Variants in INTS9 observed in about 807,000 individuals in gnomAD.
The protein encoded by INTS9 is protein related to CPSF subunits of 74 kDa.
A neutral mutation model predicts 79.7 loss-of-function variants in INTS9; 55 were observed. The ratio of observed to expected loss-of-function variants is 0.69; its 90% CI spans 0.56 to 0.86. The LOEUF (loss-of-function observed/expected upper bound fraction) is 0.86, where lower values mean the gene tolerates loss of function less well. Ranked by LOEUF, INTS9 falls within the 40% of genes least tolerant of loss-of-function variation. The pLI, the probability that INTS9 is intolerant of heterozygous loss-of-function variation, is 0.00. For synonymous variants in INTS9, 319 were observed against 325.2 expected (o/e 0.98, Z 0.20); for missense variants, 721 against 831.5 (o/e 0.87, Z 1.64).
intron 1 of INTS9, among the ~76,000 whole-genome samples, chr8:28,877,401 G>GA (rs1221353426): frequency 2.0e-5 from 3 of 152,146 alleles, no homozygotes; most frequent in Admixed American, 2.0e-4. Context: ...TTTTCAGTGA[G>GA]AAAAAAACAA....
At chr8:28,803,342 A>G (rs1464217616) in intron 8 of INTS9, among the ~76,000 whole-genome samples, 1 of 152,240 alleles carries the variant, frequency 6.6e-6, no homozygotes, top group Non-Finnish European at 1.5e-5. Flanking sequence ...TCACAAGCAA[A>G]TCCATTCATT....
rs933331672 is a variant in INTS9, at chr8:28,767,948, TGAAAGG to T, written c.*192_*197del. ...GTTGAGAAGAAAATGAGCCTGAAGT[TGAAAGG>T]GAAAGTTCTTGCCTGAAACAGTGCT... is the stretch of plus-strand genomic sequence containing the variant. On this transcript the variant is annotated 3_prime_UTR_variant, in exon 17 of 17. Coordinates refer to ENST00000521022, the MANE Select transcript of INTS9 (RefSeq NM_018250.4). 1.2e-5 allele frequency: 7 copies of T among 596,752 alleles called. No individual in the cohort carries two copies. The highest frequency in any genetic ancestry group is 2.0e-5 in the South Asian group (1 of 50,928). 37.0% of individuals were successfully genotyped at this position (596,752 alleles called of 1,614,324 possible).
At chr8:28,851,401 T>C (rs1043078058) in intron 2 of INTS9, among the ~76,000 whole-genome samples, 1 of 151,876 alleles carries the variant, frequency 6.6e-6, no homozygotes, top group Admixed American at 6.6e-5. Flanking sequence ...AAAGTGAGAA[T>C]TGGGGGTGGG....
chr8:28,825,409 G>T (rs1806089542), intron 6 of INTS9, among the ~76,000 whole-genome samples: 1 of 152,146 alleles, frequency 6.6e-6, no homozygotes, highest in South Asian at 2.1e-4. Flanking sequence ...TCTTTTAAAG[G>T]CTGACTAGAA....
chr8:28,783,142 C>CAAAAAAAA (rs559306996), intron 11 of INTS9, among the ~76,000 whole-genome samples: 1 of 111,716 alleles, frequency 9.0e-6, no homozygotes, highest in African/African-American at 4.0e-5. Flanking sequence ...GACTCCGTCT[C>CAAAAAAAA]AAAAAAAAAA....
chr8:28,814,098 T>G (rs1260935503), intron 6 of INTS9, among the ~76,000 whole-genome samples: 1 of 150,526 alleles, frequency 6.6e-6, no homozygotes, highest in Non-Finnish European at 1.5e-5. Context: ...AGAGACATGG[T>G]CTTGCTATGT....
intron 1 of INTS9, 46 bp downstream of exon 1, chr8:28,889,828 G>T: frequency 6.2e-7 from 1 of 1,610,344 alleles, no homozygotes; most frequent in Non-Finnish European, 8.5e-7. Context: ...AGGTCCAAAA[G>T]GTTATAGCAT....
Position 28,768,105 on chromosome 8 carries a change from A to C in INTS9, c.*41T>G. ...AGGTGGCTTGTGAGGGCAGCCAGTG[A>C]GGGACTGCAGGATTTCAGGGAAGTA... On this transcript the variant is annotated 3_prime_UTR_variant, in exon 17 of 17. Transcript: ENST00000521022. 1 of 1,600,984 alleles carries C rather than the reference A, an allele frequency of 6.2e-7. No individual in the cohort carries two copies. The highest frequency in any genetic ancestry group is 8.6e-7 in the Non-Finnish European group (1 of 1,169,346).
At chr8:28,876,730 G>C (rs1809412581) in intron 1 of INTS9, among the ~76,000 whole-genome samples, 1 of 151,982 alleles carries the variant, frequency 6.6e-6, no homozygotes, top group African/African-American at 2.4e-5. Context: ...GAAAACCCAT[G>C]AGAATCAACT....
intron 9 of INTS9, among the ~76,000 whole-genome samples, chr8:28,796,337 AT>A (rs1397318198): frequency 2.6e-5 from 4 of 152,160 alleles, no homozygotes; most frequent in African/African-American, 9.7e-5. Flanking sequence ...ATTCATACAT[AT>A]CTATCTGTTC....
chr8:28,815,112 GAAGAA>G (rs1805392868), intron 6 of INTS9, among the ~76,000 whole-genome samples: 1 of 152,094 alleles, frequency 6.6e-6, no homozygotes, highest in South Asian at 2.1e-4. Flanking sequence ...TAGGCAGGTA[GAAGAA>G]AACTTTAAGA....
chr8:28,844,821 A>T (rs146478255), intron 4 of INTS9, among the ~76,000 whole-genome samples: 2 of 152,342 alleles, frequency 1.3e-5, no homozygotes, highest in African/African-American at 2.4e-5. Flanking sequence ...GTCTCAAAAA[A>T]AAAATTTTTC....
chr8:28,810,040 C>T (rs1249573989), intron 8 of INTS9: 1 of 152,190 alleles, frequency 6.6e-6, no homozygotes, highest in Non-Finnish European at 1.5e-5. Flanking sequence ...TAAATATATA[C>T]AATTTTTATT....
Position 28,768,218 on chromosome 8 carries a change from G to A in INTS9, c.1905C>T (p.Ile635=). Residue 635 remains isoleucine (I), a synonymous_variant, in exon 17 of 17, where the codon ATC becomes ATT. Transcript: ENST00000521022. The stretch of plus-strand genomic sequence containing the variant: ...TGAGCATCTCGTCATTGTCGCAGAT[G>A]ATATGGGTCGAGTCTTCTTCAATCT... The part of the protein sequence containing the change: ...LIQIEEDSTH[I]ICDNDEMLRV... 3 of 1,614,194 alleles carry A rather than the reference G, an allele frequency of 1.9e-6. No homozygotes were observed. Among genetic ancestry groups the A allele is most frequent in the Non-Finnish European group, 2.5e-6 (3 of 1,180,032 alleles).
chr8:28,889,795 C>T, intron 1 of INTS9, 79 bp downstream of exon 1: 10 of 1,554,478 alleles, frequency 6.4e-6, no homozygotes, highest in Non-Finnish European at 8.8e-6. Flanking sequence ...GCGACGATTC[C>T]CTGCCCAACG....
At chr8:28,816,606 A>G in intron 6 of INTS9, among the ~76,000 whole-genome samples, 1 of 149,932 alleles carries the variant, frequency 6.7e-6, no homozygotes, top group Admixed American at 6.6e-5. Context: ...TAGTGCCGCA[A>G]TAAACATACG....
rs187547787 is a variant in INTS9, at chr8:28,816,260, G to A, written c.489-2648C>T. ...GCTGGTGTGCTGCACCCATTAACTCGTCATTTAGCATTAGGTATGTCCCCT... is the reference window on the plus strand; with the variant it reads ...GCTGGTGTGCTGCACCCATTAACTCATCATTTAGCATTAGGTATGTCCCCT... On this transcript the variant is annotated intron_variant, in intron 6 of 16. Transcript: ENST00000521022. Among the ~76,000 whole-genome samples the A allele has an allele frequency of 2.8e-3, 417 of 150,070 alleles. 4 individuals are homozygous for A. Among genetic ancestry groups the A allele is most frequent in the Middle Eastern group, 0.01 (3 of 290 alleles).
intron 8 of INTS9, chr8:28,798,242 A>G (rs1457121773): frequency 6.6e-6 from 1 of 152,256 alleles, no homozygotes; most frequent in African/African-American, 2.4e-5. Context: ...CAGGACAGTG[A>G]TTCTTAGCAG....
intron 10 of INTS9, among the ~76,000 whole-genome samples, chr8:28,789,802 C>G (rs1198461724): frequency 1.3e-5 from 2 of 152,118 alleles, no homozygotes; most frequent in Non-Finnish European, 2.9e-5. Context: ...CGCTTGAGAC[C>G]AGGAGGTTGA....
Sources: gnomAD v4.1 joint callset for allele counts (sites outside exome capture counted in the v4.1 genomes callset) on GRCh38, gnomAD v4.1.1 for gene constraint, MANE v1.5 for transcripts, NCBI Gene and HGNC (gene_info 2026-07-23, HGNC 2026-07-21) for gene names.